Variants in STS observed in about 807,000 individuals in gnomAD.
STS encodes steryl-sulfatase.
Under a neutral mutation model 26.8 loss-of-function variants are expected in STS, and 7 were observed. The observed-to-expected ratio is 0.26, with a 90% CI of 0.15 to 0.49. The LOEUF is 0.49. STS is among the 20% of genes least tolerant of loss of function. The pLI is 0.98. For synonymous variants in STS, 199 were observed against 189.4 expected (o/e 1.05, Z -0.42); for missense variants, 434 against 465.6 (o/e 0.93, Z 0.63).
At chrX:7,253,368 G>A in intron 3 of STS, 32 bp downstream of exon 3, 1 of 1,209,531 alleles carries the variant, frequency 8.3e-7, no homozygotes. Context: ...TAAACACATG[G>A]CTGTATTCAT....
intron 3 of STS, among the ~76,000 whole-genome samples, chrX:7,255,575 A>G (rs1422157386): frequency 8.9e-6 from 1 of 111,856 alleles, no homozygotes; most frequent in Admixed American, 9.5e-5. Context: ...TCATGGCAAT[A>G]TATACCCTAA....
At chrX:7,331,626 G>A (rs986708539) in intron 9 of STS, among the ~76,000 whole-genome samples, 4 of 111,702 alleles carry the variant, frequency 3.6e-5, no homozygotes, top group Admixed American at 9.5e-5. Context: ...TACTAGCAGC[G>A]TTAATGGAAA....
At position 7,253,355 on chromosome X, in the gene STS, C is replaced by CAGTAAA; in HGVS notation, c.137+20_137+25dup. The CAGTAAA allele has an allele frequency of 8.3e-7, 1 of 1,210,666 alleles. No homozygotes were observed. Among genetic ancestry groups the CAGTAAA allele is most frequent in the Non-Finnish European group, 1.1e-6 (1 of 894,730 alleles). ...CTATCAGGTTGGTAATGCAGCTCCT[C>CAGTAAA]AGTAAACACATGGCTGTATTCATAG... On this transcript the variant is annotated intron_variant, in intron 3 of 10. Coordinates refer to ENST00000674429, the MANE Select transcript of STS (RefSeq NM_001320752.2).
intron 2 of STS, among the ~76,000 whole-genome samples, chrX:7,220,839 C>T (rs953101071): frequency 1.3e-4 from 15 of 111,190 alleles, no homozygotes; most frequent in African/African-American, 4.9e-4. Context: ...TGAGCCACTG[C>T]GCCTGGCCAT....
chrX:7,277,986 G>A (rs1385283827), intron 7 of STS, among the ~76,000 whole-genome samples: 3 of 112,260 alleles, frequency 2.7e-5, no homozygotes, highest in African/African-American at 9.7e-5. Flanking sequence ...CACACCTGTT[G>A]ATTAAATTTT....
intron 2 of STS, among the ~76,000 whole-genome samples, chrX:7,238,410 G>A (rs1922432919): frequency 9.0e-6 from 1 of 110,713 alleles, no homozygotes; most frequent in African/African-American, 3.3e-5. Flanking sequence ...TGGGTGACAT[G>A]TCCAAATGTT....
chrX:7,327,420 G>A (rs1383234419), intron 9 of STS, among the ~76,000 whole-genome samples: 1 of 94,868 alleles, frequency 1.1e-5, no homozygotes, highest in Non-Finnish European at 2.1e-5. Flanking sequence ...GTTTCACTCT[G>A]TCACCCAGGC....
chrX:7,192,330 G>A (rs778473075), intron 2 of STS, among the ~76,000 whole-genome samples: 5 of 111,809 alleles, frequency 4.5e-5, no homozygotes, highest in Non-Finnish European at 7.5e-5. Context: ...TTGGGAGGCC[G>A]AGGCGGGCAG....
intron 8 of STS, 27 bp from the exon 9 acceptor site, chrX:7,325,312 C>T: frequency 8.3e-7 from 1 of 1,207,849 alleles, no homozygotes; most frequent in Middle Eastern, 2.3e-4. Flanking sequence ...CTCCCTGTTG[C>T]CTCTTACCTC....
At chrX:7,257,795 G>A (rs1054164653) in intron 5 of STS, among the ~76,000 whole-genome samples, 6 of 102,522 alleles carry the variant, frequency 5.9e-5, no homozygotes, top group South Asian at 4.2e-4. Flanking sequence ...CTACTCAAAT[G>A]TATAGATGTG....
intron 2 of STS, among the ~76,000 whole-genome samples, chrX:7,229,887 G>A (rs1215820012): frequency 9.3e-6 from 1 of 108,067 alleles, no homozygotes; most frequent in African/African-American, 3.4e-5. Flanking sequence ...TTTTTTTGTC[G>A]GGGGGCGGGG....
chrX:7,187,280 TTCAA>T (rs1390700409), intron 1 of STS, among the ~76,000 whole-genome samples: 1 of 112,419 alleles, frequency 8.9e-6, no homozygotes, highest in Non-Finnish European at 1.9e-5. Flanking sequence ...TGTAAATTCC[TTCAA>T]TCAATCTCTA....
At chrX:7,192,702 G>A (rs1933898855) in intron 2 of STS, among the ~76,000 whole-genome samples, 1 of 112,451 alleles carries the variant, frequency 8.9e-6, no homozygotes, top group African/African-American at 3.2e-5. Flanking sequence ...AAGCGGGCTT[G>A]CAGGGTGATT....
At chrX:7,153,692 T>C (rs1415650457) in intron 1 of STS, among the ~76,000 whole-genome samples, 1 of 84,903 alleles carries the variant, frequency 1.2e-5, no homozygotes, top group Non-Finnish European at 2.3e-5. Context: ...CTTTCCTCCT[T>C]CTCTCTTTTC....
chrX:7,159,655 G>A (rs1900251003), intron 1 of STS, among the ~76,000 whole-genome samples: 1 of 111,584 alleles, frequency 9.0e-6, no homozygotes, highest in Non-Finnish European at 1.9e-5. Context: ...TCCAGGTTAG[G>A]GAGTCAATAG....
intron 8 of STS, among the ~76,000 whole-genome samples, chrX:7,323,035 T>C (rs986064028): frequency 1.8e-5 from 2 of 111,915 alleles, no homozygotes; most frequent in East Asian, 5.6e-4. Flanking sequence ...TAGCCATTTT[T>C]TGTGCCTCTC....
rs1920978409 is a variant in STS at position 7,209,471 on chromosome X, T to G, written c.-5+18463T>G. Reference sequence around the variant, plus strand: ...GTTTTATTTTAAATAAATATTTATTTAAATATTAATATATTTAGTTAAAAT... The same window carrying G: ...GTTTTATTTTAAATAAATATTTATTGAAATATTAATATATTTAGTTAAAAT... On this transcript the variant is annotated intron_variant, in intron 2 of 10. Coordinates refer to ENST00000674429, the MANE Select transcript of STS (RefSeq NM_001320752.2). Among the ~76,000 whole-genome samples the G allele has an allele frequency of 3.8e-5, 4 of 105,688 alleles. No individual in the cohort carries two copies. In the South Asian group the frequency reaches 1.6e-3, roughly 41 times the overall value. 91.8% of individuals were successfully genotyped at this position (105,688 alleles called of 115,157 possible). A position where few individuals can be genotyped will look rare whatever the true frequency, so the allele number is the denominator to read the frequency against.
chrX:7,256,381 T>G (rs1417772028), intron 3 of STS, among the ~76,000 whole-genome samples: 1 of 112,146 alleles, frequency 8.9e-6, no homozygotes, highest in Non-Finnish European at 1.9e-5. Flanking sequence ...TCGCAGCATC[T>G]AATTTCTTCA....
rs4403552 is a variant in STS, at chrX:7,325,263, G to A, written c.1082-76G>A. 250,456 of 1,092,430 alleles carry A rather than the reference G, an allele frequency of 0.23. 20,724 individuals carry two copies. Among genetic ancestry groups the A allele is most frequent in the East Asian group, 0.36 (11,579 of 32,153 alleles). The allele number at this position is 1,092,430 out of a possible 1,213,427, so 90.0% of individuals were successfully genotyped here. ...CAGTTGGTTCTTCTACATTGAGCAC[G>A]AAAGAGTCCATTGAAGTGAGCATTG... On this transcript the variant is annotated intron_variant, in intron 8 of 10. Transcript: ENST00000674429.
Sources: allele counts gnomAD v4.1 joint callset (sites outside exome capture counted in the v4.1 genomes callset), GRCh38; gene constraint gnomAD v4.1.1; transcripts MANE v1.5; gene names NCBI Gene and HGNC (gene_info 2026-07-23, HGNC 2026-07-21).